DTNB: variants seen among roughly 807,000 people sequenced by gnomAD.
DTNB encodes the protein DTN-B.
A neutral mutation model predicts 90.7 loss-of-function variants in DTNB; 63 were observed. That is an observed-to-expected ratio of 0.69 (90% CI 0.57 to 0.86). DTNB has a LOEUF of 0.86. Ranked by LOEUF, DTNB falls within the 40% of genes least tolerant of loss-of-function variation. The probability of loss-of-function intolerance (pLI) is 0.00; values close to 1 mark genes in which losing one functional copy is unlikely to be tolerated. For synonymous variants in DTNB, 277 were observed against 286.7 expected, an observed-to-expected ratio of 0.97 and a Z score of 0.34; for missense variants, 744 against 807.1, an observed-to-expected ratio of 0.92 and a Z score of 0.95.
At chr2:25,557,526 A>G (rs185284716) in intron 8 of DTNB, among the ~76,000 whole-genome samples, 7 of 152,314 alleles carry the variant, frequency 4.6e-5, no homozygotes, top group Admixed American at 3.9e-4. Context: ...ATTATTTAGC[A>G]CTGCTCTAAA....
intron 10 of DTNB, among the ~76,000 whole-genome samples, chr2:25,481,039 T>C (rs2064824080): frequency 6.6e-6 from 1 of 152,146 alleles, no homozygotes; most frequent in Non-Finnish European, 1.5e-5. Flanking sequence ...ATAAAAATAA[T>C]ACATTAAATT....
intron 8 of DTNB, among the ~76,000 whole-genome samples, chr2:25,540,420 T>C (rs1430746156): frequency 6.6e-6 from 1 of 152,234 alleles, no homozygotes; most frequent in East Asian, 1.9e-4. Flanking sequence ...CCTGCTCTTT[T>C]TTTATAAGTT....
At chr2:25,601,738 C>G (rs892704650) in intron 5 of DTNB, among the ~76,000 whole-genome samples, 1 of 152,192 alleles carries the variant, frequency 6.6e-6, no homozygotes, top group Admixed American at 6.5e-5. Context: ...GCTCAGCAAC[C>G]TAACCCACAA....
intron 8 of DTNB, among the ~76,000 whole-genome samples, chr2:25,561,696 C>T (rs866897464): frequency 2.0e-5 from 3 of 152,168 alleles, no homozygotes; most frequent in African/African-American, 7.2e-5. Context: ...CTCCTCTCCC[C>T]CTCTTGCCCC....
chr2:25,486,227 C>T (rs960505886), intron 9 of DTNB, among the ~76,000 whole-genome samples: 7 of 152,022 alleles, frequency 4.6e-5, no homozygotes, highest in African/African-American at 1.7e-4. Flanking sequence ...CTTTGGGAGG[C>T]CAAGGCAGGC....
chr2:25,391,267 AT>A (rs1389701825), intron 16 of DTNB, among the ~76,000 whole-genome samples: 4 of 152,328 alleles, frequency 2.6e-5, no homozygotes, highest in Admixed American at 1.3e-4. Flanking sequence ...ATTGAATATT[AT>A]CAAAAGTAAA....
At chr2:25,520,575 T>C (rs528992840) in intron 9 of DTNB, among the ~76,000 whole-genome samples, 3 of 152,346 alleles carry the variant, frequency 2.0e-5, no homozygotes, top group Admixed American at 1.3e-4. Flanking sequence ...TGGTCTTATA[T>C]TATTCCTGGT....
intron 12 of DTNB, among the ~76,000 whole-genome samples, chr2:25,439,713 T>C (rs981203101): frequency 2.7e-4 from 41 of 152,326 alleles, no homozygotes; most frequent in African/African-American, 9.6e-4. Flanking sequence ...CTGTGCCACA[T>C]TGAGTTATTT....
In DTNB at chr2:25,653,434, A is replaced by T. The variant is rs568997824; in HGVS notation, c.-1-773T>A. ...AGTCCAATTAAACGTTTTTTTTTTA[A>T]AAAAAAAAAAAAGAAAGAAGGAAAA... On this transcript the variant is annotated intron_variant, in intron 1 of 20. Transcript: ENST00000406818. 1.7e-3 allele frequency among the ~76,000 whole-genome samples: 241 copies of T among 145,938 alleles called. 1 individual carries two copies. The highest frequency in any genetic ancestry group is 4.6e-3 in the African/African-American group (184 of 39,970).
At chr2:25,583,511 T>A (rs948906004) in intron 6 of DTNB, among the ~76,000 whole-genome samples, 1 of 150,552 alleles carries the variant, frequency 6.6e-6, no homozygotes, top group Non-Finnish European at 1.5e-5. Flanking sequence ...GTTTTTGTGT[T>A]TTTTTTTTGT....
intron 10 of DTNB, among the ~76,000 whole-genome samples, chr2:25,455,985 T>C (rs772636809): frequency 5.1e-4 from 77 of 152,378 alleles, no homozygotes; most frequent in Non-Finnish European, 9.0e-4. Context: ...ATAAGGATAC[T>C]GCCTTTAGCA....
intron 14 of DTNB, among the ~76,000 whole-genome samples, chr2:25,430,860 C>T (rs780231603): frequency 6.6e-5 from 10 of 152,030 alleles, no homozygotes; most frequent in Non-Finnish European, 1.2e-4. Context: ...CACACACATT[C>T]GTCATACATT....
intron 9 of DTNB, among the ~76,000 whole-genome samples, chr2:25,530,986 T>G (rs530165814): frequency 6.6e-6 from 1 of 152,234 alleles, no homozygotes; most frequent in South Asian, 2.1e-4. Context: ...ACTAAATACA[T>G]ATAAATAAAT....
Position 25,387,658 on chromosome 2 carries a change from C to A in DTNB, c.1736-280G>T, listed in dbSNP as rs184621613. Among the ~76,000 whole-genome samples the A allele has an allele frequency of 1.2e-3, 187 of 152,324 alleles. No individual in the cohort carries two copies. Among genetic ancestry groups the A allele is most frequent in the Admixed American group, 2.2e-3 (34 of 15,310 alleles). ...ATCCAGAGCTGGGTTCCAGAATAAG[C>A]ATTCCACCGAGGTCTTCCTCAGCCT... On this transcript the variant is annotated intron_variant, in intron 17 of 20. Coordinates refer to ENST00000406818, the MANE Select transcript of DTNB (RefSeq NM_021907.5). The surrounding 1 kb of genome is among the most constrained non-coding windows in gnomAD (Gnocchi z 4.5).
chr2:25,389,783 A>G (rs897563143), intron 16 of DTNB, among the ~76,000 whole-genome samples: 2 of 152,068 alleles, frequency 1.3e-5, no homozygotes, highest in African/African-American at 2.4e-5. Flanking sequence ...GCAGTGCTTC[A>G]ACCGTGTGGC....
chr2:25,576,715 G>T, intron 8 of DTNB, 123 bp downstream of exon 8: 1 of 1,200,876 alleles, frequency 8.3e-7, no homozygotes, highest in Non-Finnish European at 1.1e-6. Context: ...ATAAATGTTA[G>T]TGTTAAGATT....
intron 10 of DTNB, among the ~76,000 whole-genome samples, chr2:25,473,717 G>C (rs974560499): frequency 2.6e-5 from 4 of 152,152 alleles, no homozygotes; most frequent in African/African-American, 9.7e-5. Flanking sequence ...TTGTTCTTCT[G>C]GCACAAATCT....
intron 1 of DTNB, among the ~76,000 whole-genome samples, chr2:25,654,533 C>T (rs991125203): frequency 6.6e-6 from 1 of 152,256 alleles, no homozygotes; most frequent in East Asian, 1.9e-4. Context: ...GGTAAACATT[C>T]GAAAACAGCC....
intron 13 of DTNB, among the ~76,000 whole-genome samples, chr2:25,433,522 A>T (rs867869889): frequency 3.5e-5 from 5 of 143,650 alleles, no homozygotes; most frequent in South Asian, 4.5e-4. Flanking sequence ...AATGGCATTA[A>T]TTTTTTTTTT....
Sources: gnomAD v4.1 joint callset for allele counts (sites outside exome capture counted in the v4.1 genomes callset) on GRCh38, gnomAD v4.1.1 for gene constraint, Gnocchi (gnomAD v3.1) non-coding constraint, MANE v1.5 for transcripts, NCBI Gene and HGNC (gene_info 2026-07-23, HGNC 2026-07-21) for gene names.